CYP2C8: variants seen among roughly 807,000 people sequenced by gnomAD.
CYP2C8 encodes cytochrome P450 family 2 subfamily C member 8, also known as cytochrome P450 2C8.
In CYP2C8, 51 loss-of-function variants were observed where a neutral mutation model predicts 41.3. The observed-to-expected ratio is 1.24, with a 90% CI of 0.99 to 1.56. The LOEUF is 1.56. CYP2C8 is among the 40% of genes most tolerant of loss of function. The probability of loss-of-function intolerance (pLI) is 0.00; values close to 1 mark genes in which losing one functional copy is unlikely to be tolerated. For missense variants in CYP2C8, 651 were observed against 579.9 expected (o/e 1.12, Z -1.26); for synonymous variants, 218 against 205.8 (o/e 1.06, Z -0.51).
chr10:95,039,332 C>T (rs2032951695), intron 7 of CYP2C8: 1 of 392,578 alleles, frequency 2.5e-6, no homozygotes, highest in Non-Finnish European at 4.7e-6. Context: ...TCTATTTCAT[C>T]ACTTCAAATT....
At chr10:95,041,179 T>C (rs971950349) in intron 7 of CYP2C8, among the ~76,000 whole-genome samples, 1 of 152,098 alleles carries the variant, frequency 6.6e-6, no homozygotes, top group Non-Finnish European at 1.5e-5. Context: ...TATATAAAAA[T>C]GAGAGAAGAG....
rs529746836 is a variant in CYP2C8 at position 95,043,067 on chromosome 10, C to T, written c.972G>A (p.Gln324=). Reference sequence around the variant, plus strand: ...TGCCAATTACATGATCAATCTCTTCCTGGACTTTAGCTGACAAGACACAAG... The same window carrying T: ...TGCCAATTACATGATCAATCTCTTCTTGGACTTTAGCTGACAAGACACAAG... The part of the protein sequence containing the change: ...LKHPEVTAKV[Q]EEIDHVIGRH... Residue 324 remains glutamine, a synonymous_variant, in exon 7 of 9, where the codon CAG becomes CAA. Coordinates refer to ENST00000371270, the MANE Select transcript of CYP2C8 (RefSeq NM_000770.3). 6 of 1,614,138 alleles carry T rather than the reference C, an allele frequency of 3.7e-6. No individual in the cohort carries two copies. In the South Asian group the frequency reaches 6.6e-5, roughly 18 times the overall value.
chr10:95,053,830 C>A (rs2033259517), intron 5 of CYP2C8, among the ~76,000 whole-genome samples: 2 of 151,974 alleles, frequency 1.3e-5, no homozygotes, highest in Admixed American at 1.3e-4. Context: ...GGCTTAAAAC[C>A]TAGATGACAG....
chr10:95,040,274 C>G (rs1453468138), intron 7 of CYP2C8, among the ~76,000 whole-genome samples: 1 of 151,590 alleles, frequency 6.6e-6, no homozygotes, highest in Non-Finnish European at 1.5e-5. Flanking sequence ...AAAGAAAAAC[C>G]TCTTCTGGTT....
chr10:95,067,268 T>A lies in CYP2C8; in HGVS notation c.421A>T (p.Ile141Phe). The A allele has an allele frequency of 6.2e-7, 1 of 1,614,198 alleles. No homozygotes were observed. Among genetic ancestry groups the A allele is most frequent in the Non-Finnish European group, 8.5e-7 (1 of 1,180,030 alleles). The change falls in exon 3 of 9, where the codon ATT (isoleucine) becomes TTT (phenylalanine). Residue 141 changes from isoleucine (I) to phenylalanine (F), a missense_variant. Ile to Phe is a conservative substitution (Grantham distance 21). Coordinates refer to ENST00000371270, the MANE Select transcript of CYP2C8 (RefSeq NM_000770.3). ...LRNFGMGKRSIEDRVQEEAHC... is the reference protein window; with the variant it reads ...LRNFGMGKRSFEDRVQEEAHC... ...GCTTCCTCTTGAACACGGTCCTCAA[T>A]GCTCCTCTTCCCCATCCCAAAATTC...
chr10:95,059,672 C>T (rs1199072931), intron 4 of CYP2C8, among the ~76,000 whole-genome samples: 2 of 152,272 alleles, frequency 1.3e-5, no homozygotes, highest in African/African-American at 4.8e-5. Flanking sequence ...TCAATTTTGG[C>T]TTTTGTTGCC....
At chr10:95,056,587 A>G (rs564712484) in intron 5 of CYP2C8, among the ~76,000 whole-genome samples, 1 of 152,318 alleles carries the variant, frequency 6.6e-6, no homozygotes, top group East Asian at 1.9e-4. Flanking sequence ...ACAAAGTACT[A>G]TCACATGCTA....
chr10:95,059,426 G>A (rs977027853), intron 4 of CYP2C8, among the ~76,000 whole-genome samples: 9 of 96,804 alleles, frequency 9.3e-5, no homozygotes, highest in Non-Finnish European at 1.9e-4. Flanking sequence ...GTGTTTTTTG[G>A]CTGCATAAAT....
chr10:95,053,612 T>C (rs2033252252), intron 5 of CYP2C8, among the ~76,000 whole-genome samples: 1 of 152,130 alleles, frequency 6.6e-6, no homozygotes, highest in Non-Finnish European at 1.5e-5. Context: ...TCATGTCCTT[T>C]TCAGGGACAT....
rs1225842246 is a variant in CYP2C8 at position 95,069,331 on chromosome 10, A to G, written c.72T>C (p.Cys24=). The change falls in exon 1 of 9, where the codon TGT becomes TGC. Residue 24 remains cysteine (C), a synonymous_variant. Transcript: ENST00000371270. Reference sequence around the variant, plus strand: ...GGCCAGGAGGGAGCTTCCTTCTCCTACAGCTCTGTCTCCAGAGTGAAAAGA... The same window carrying G: ...GGCCAGGAGGGAGCTTCCTTCTCCTGCAGCTCTGTCTCCAGAGTGAAAAGA... ...MLLFSLWRQS[C]RRRKLPPGPT... is the part of the protein sequence containing the mutation. 1.2e-6 allele frequency: 2 copies of G among 1,613,994 alleles called. No homozygotes were observed. Among genetic ancestry groups the G allele is most frequent in the African/African-American group, 1.3e-5 (1 of 74,928 alleles).
At chr10:95,044,069 T>G (rs974540414) in intron 6 of CYP2C8, among the ~76,000 whole-genome samples, 14 of 152,194 alleles carry the variant, frequency 9.2e-5, no homozygotes, top group Non-Finnish European at 2.9e-5. Flanking sequence ...ATTATTCACC[T>G]GGTCCCTTCT....
chr10:95,066,960 A>G (rs1175431208), intron 3 of CYP2C8, among the ~76,000 whole-genome samples: 1 of 152,168 alleles, frequency 6.6e-6, no homozygotes, highest in Non-Finnish European at 1.5e-5. Context: ...CAAGGAAACA[A>G]AATTGAGCAG....
At chr10:95,058,609 C>A in intron 4 of CYP2C8, 98 bp from the exon 5 acceptor site, 3 of 1,089,832 alleles carry the variant, frequency 2.8e-6, no homozygotes, top group Non-Finnish European at 1.3e-6. Context: ...ATGAATAAGA[C>A]ATCATGTCCA....
Position 95,067,359 on chromosome 10 carries a change from T to C in CYP2C8, c.332-2A>G. 6.3e-7 allele frequency: 1 copy of C among 1,596,756 alleles called. No homozygotes were observed. The highest frequency in any genetic ancestry group is 8.5e-7 in the Non-Finnish European group (1 of 1,176,224). On this transcript the variant is annotated splice_acceptor_variant, in intron 2 of 8. Transcript: ENST00000371270. LOFTEE classifies it high-confidence loss of function. ...TCTTTCCATTGCTGGAAATGATTCC[T>C]AATAAAAAAAGGGGCAGAAACTGGG...
At chr10:95,054,564 T>C (rs1025311599) in intron 5 of CYP2C8, among the ~76,000 whole-genome samples, 3 of 151,946 alleles carry the variant, frequency 2.0e-5, no homozygotes, top group Admixed American at 6.6e-5. Flanking sequence ...GCCAAAACAA[T>C]TAGACAAGAA....
At position 95,064,756 on chromosome 10, in the gene CYP2C8, C is replaced by A. The variant is rs1405635846; in HGVS notation, c.642+44G>T. 1.5e-5 allele frequency: 24 copies of A among 1,591,090 alleles called. No individual in the cohort carries two copies. In the East Asian group the frequency reaches 5.4e-4, roughly 36 times the overall value. On this transcript the variant is annotated intron_variant, in intron 4 of 8. Coordinates refer to ENST00000371270, the MANE Select transcript of CYP2C8 (RefSeq NM_000770.3). ...TTTTTAAACCAAGTCTTCCCTACAA[C>A]CTTGAATAAATGGTTTCCAAGGAAA...
At chr10:95,066,306 C>A (rs185383818) in intron 3 of CYP2C8, among the ~76,000 whole-genome samples, 1 of 151,024 alleles carries the variant, frequency 6.6e-6, no homozygotes, top group Non-Finnish European at 1.5e-5. Flanking sequence ...ACAAGCACTT[C>A]ATAGGTGAGT....
At chr10:95,054,466 C>A (rs939346611) in intron 5 of CYP2C8, among the ~76,000 whole-genome samples, 5 of 151,996 alleles carry the variant, frequency 3.3e-5, no homozygotes, top group Non-Finnish European at 7.4e-5. Flanking sequence ...TTGTGAAAAT[C>A]TAAAAGCTTA....
chr10:95,043,333 A>G (rs181272128), intron 6 of CYP2C8, among the ~76,000 whole-genome samples: 20 of 152,370 alleles, frequency 1.3e-4, no homozygotes, highest in Non-Finnish European at 5.9e-5. Flanking sequence ...TTTAAGTAAT[A>G]CATTATTTAA....
Sources: allele counts gnomAD v4.1 joint callset (sites outside exome capture counted in the v4.1 genomes callset), GRCh38; gene constraint gnomAD v4.1.1; transcripts MANE v1.5; gene names NCBI Gene and HGNC (gene_info 2026-07-23, HGNC 2026-07-21).